DSG3: variants seen among roughly 807,000 people sequenced by gnomAD.
The protein encoded by DSG3 is desmoglein-3.
Under a neutral mutation model 85.9 loss-of-function variants are expected in DSG3, and 63 were observed. That is an observed-to-expected ratio of 0.73 (90% confidence interval 0.60 to 0.90). DSG3 has a LOEUF of 0.90. Ranked by LOEUF, DSG3 falls within the 40% of genes least tolerant of loss-of-function variation. The pLI, the probability that DSG3 is intolerant of heterozygous loss-of-function variation, is 0.00. For synonymous variants in DSG3, 447 were observed against 441.9 expected, an observed-to-expected ratio of 1.01 and a Z score of -0.14; for missense variants, 1,220 against 1,219.9, an observed-to-expected ratio of 1.00 and a Z score of 0.00.
In DSG3 at chr18:31,475,748, T is replaced by C. The variant is rs762858133; in HGVS notation, c.2488T>C (p.Ser830Pro). 6.2e-7 allele frequency: 1 copy of C among 1,614,220 alleles called. No individual in the cohort carries two copies. Among genetic ancestry groups the C allele is most frequent in the Non-Finnish European group, 8.5e-7 (1 of 1,180,034 alleles). ...AGATGCCACTGGTTCTCCTGTGGGCTCCGTGGGTTGTTGCAGTTTTATTGC... is the reference window on the plus strand; with the variant it reads ...AGATGCCACTGGTTCTCCTGTGGGCCCCGTGGGTTGTTGCAGTTTTATTGC... Reference protein sequence around the residue: ...GADATGSPVGSVGCCSFIADD... With the variant: ...GADATGSPVGPVGCCSFIADD... Residue 830 changes from serine to proline, a missense_variant, in exon 16 of 16, where the codon TCC becomes CCC. By Grantham distance (74) the Ser-to-Pro change is moderately conservative. Coordinates refer to ENST00000257189, the MANE Select transcript of DSG3 (RefSeq NM_001944.3).
In DSG3 at chr18:31,476,561, A is replaced by G. The variant is rs1224455899; in HGVS notation, c.*301A>G. On this transcript the variant is annotated 3_prime_UTR_variant, in exon 16 of 16. Transcript: ENST00000257189. ...TTAAGCTTCTATTTTTCCCCTGCCA[A>G]AGGAAGGTGTTTATCATTTTAAAAT... 1 of 269,954 alleles carries G rather than the reference A, an allele frequency of 3.7e-6. No individual in the cohort carries two copies. Among genetic ancestry groups the G allele is most frequent in the Non-Finnish European group, 6.9e-6 (1 of 144,164 alleles). 16.7% of individuals were successfully genotyped at this position (269,954 alleles called of 1,614,324 possible).
intron 3 of DSG3, among the ~76,000 whole-genome samples, chr18:31,457,498 T>C (rs986556140): frequency 2.0e-5 from 3 of 152,182 alleles, no homozygotes; most frequent in African/African-American, 7.2e-5. Flanking sequence ...AGTGATAGGA[T>C]GTATCAGGTT....
In DSG3 at chr18:31,475,900, G is replaced by A; in HGVS notation, c.2640G>A (p.Gly880=). Residue 880 remains glycine (G), a synonymous_variant, in exon 16 of 16, where the codon GGG becomes GGA. Transcript: ENST00000257189. Reference sequence around the variant, plus strand: ...CACCCTCTAAAGACAGCGGTTATGGGATTGAATCCTGTGGCCATCCCATAG... The same window carrying A: ...CACCCTCTAAAGACAGCGGTTATGGAATTGAATCCTGTGGCCATCCCATAG... ...VQPPSKDSGY[G]IESCGHPIEV... is the part of the protein sequence containing the mutation. 1.2e-6 allele frequency: 2 copies of A among 1,614,182 alleles called. No individual in the cohort carries two copies. Among genetic ancestry groups the A allele is most frequent in the Non-Finnish European group, 1.7e-6 (2 of 1,180,044 alleles).
Position 31,472,377 on chromosome 18 carries a change from G to A in DSG3, c.1991G>A (p.Gly664Glu), listed in dbSNP as rs1361767559. 6.2e-7 allele frequency: 1 copy of A among 1,614,074 alleles called. No individual in the cohort carries two copies. Among genetic ancestry groups the A allele is most frequent in the South Asian group, 1.1e-5 (1 of 91,068 alleles). ...GFIPVPDGSE[G>E]TIHQWGIEGA... ...ATCCCAGTTCCTGATGGCTCAGAAG[G>A]AACAATTCATCAGTGGGGAATTGAA... The change falls in exon 13 of 16, where the codon GGA becomes GAA. Residue 664 changes from glycine (G) to glutamate (E), a missense_variant. By Grantham distance (98) the Gly-to-Glu change is moderately conservative. Coordinates refer to ENST00000257189, the MANE Select transcript of DSG3 (RefSeq NM_001944.3).
chr18:31,458,386 T>C (rs2072762304), intron 3 of DSG3, 59 bp from the exon 4 acceptor site: 3 of 1,535,240 alleles, frequency 2.0e-6, no homozygotes, highest in South Asian at 1.2e-5. Flanking sequence ...GAAGTGGGGG[T>C]GGAGAGGGAA....
chr18:31,447,818 C>A lies in DSG3; in HGVS notation c.-60C>A. 2 of 1,445,636 alleles carry A rather than the reference C, an allele frequency of 1.4e-6. No individual in the cohort carries two copies. Among genetic ancestry groups the A allele is most frequent in the Admixed American group, 2.1e-5 (1 of 46,640 alleles). 89.6% of individuals were successfully genotyped at this position (1,445,636 alleles called of 1,614,324 possible). On this transcript the variant is annotated 5_prime_UTR_variant, in exon 1 of 16. Coordinates refer to ENST00000257189, the MANE Select transcript of DSG3 (RefSeq NM_001944.3). ...GCTTTTCTTAGACATCAACTGCAGACGGCTGGCAGGATAGAAGCAGCGGCT... is the reference window on the plus strand; with the variant it reads ...GCTTTTCTTAGACATCAACTGCAGAAGGCTGGCAGGATAGAAGCAGCGGCT...
chr18:31,474,454 A>G, intron 15 of DSG3, 50 bp downstream of exon 15: 2 of 1,538,754 alleles, frequency 1.3e-6, no homozygotes, highest in East Asian at 2.3e-5. Context: ...TACATTAGAG[A>G]ACTTTTTATT....
chr18:31,456,783 T>G (rs1401207814), intron 2 of DSG3, among the ~76,000 whole-genome samples: 1 of 152,192 alleles, frequency 6.6e-6, no homozygotes, highest in Non-Finnish European at 1.5e-5. Flanking sequence ...GACTAAATGC[T>G]AATATTAAAA....
In DSG3 at chr18:31,466,624, T is replaced by C; in HGVS notation, c.1506T>C (p.Val502=). The C allele has an allele frequency of 1.2e-5, 19 of 1,614,216 alleles. No individual in the cohort carries two copies. Among genetic ancestry groups the C allele is most frequent in the Non-Finnish European group, 1.6e-5 (19 of 1,180,030 alleles). ...CAGCTGTCCTCGAAAAAGATGCAGT[T>C]TGCAGTTCTTCACCTTCCGTGGTTG... ...CPTAVLEKDA[V]CSSSPSVVVS... is the part of the protein sequence containing the mutation. Residue 502 remains valine, a synonymous_variant, in exon 11 of 16, where the codon GTT becomes GTC. Transcript: ENST00000257189.
At chr18:31,465,522 A>T (rs993699317) in intron 10 of DSG3, 65 bp downstream of exon 10, 1 of 1,253,974 alleles carries the variant, frequency 8.0e-7, no homozygotes, top group Admixed American at 3.0e-5. Flanking sequence ...TTATGCATAG[A>T]TGATTATGAT....
chr18:31,477,718 G>A lies in DSG3; in HGVS notation c.*1458G>A, dbSNP rs2072897631. On this transcript the variant is annotated 3_prime_UTR_variant, in exon 16 of 16. Coordinates refer to ENST00000257189, the MANE Select transcript of DSG3 (RefSeq NM_001944.3). ...TCATGCATGCTACCATGATAGTAAT[G>A]CAGCTCTTCGAGTCATTTCTGGTCA... 6.6e-6 allele frequency: 1 copy of A among 152,124 alleles called. No individual in the cohort carries two copies. The highest frequency in any genetic ancestry group is 1.5e-5 in the Non-Finnish European group (1 of 68,038). 9.4% of individuals were successfully genotyped at this position (152,124 alleles called of 1,614,324 possible). A position where few individuals can be genotyped will look rare whatever the true frequency, so the allele number is the denominator to read the frequency against.
intron 12 of DSG3, 148 bp from the exon 13 acceptor site, chr18:31,472,136 T>C: frequency 3.9e-6 from 4 of 1,027,686 alleles, no homozygotes; most frequent in Non-Finnish European, 5.6e-6. Context: ...CAAGTTTCAT[T>C]TGTAGAAACT....
chr18:31,460,899 T>C lies in DSG3; in HGVS notation c.751T>C (p.Cys251Arg). The change falls in exon 7 of 16, where the codon TGT becomes CGT. Residue 251 changes from cysteine (C) to arginine (R), a missense_variant. Cys to Arg is a radical substitution (Grantham distance 180, BLOSUM62 -3). Transcript: ENST00000257189. ...AGATGGAGAAGGACTATCAACTCAATGTGAATGTAATATTAAAGTGAAAGA... is the reference window on the plus strand; with the variant it reads ...AGATGGAGAAGGACTATCAACTCAACGTGAATGTAATATTAAAGTGAAAGA... ...DKDGEGLSTQCECNIKVKDVN... is the reference protein window; with the variant it reads ...DKDGEGLSTQRECNIKVKDVN... 6.2e-7 allele frequency: 1 copy of C among 1,605,852 alleles called. No homozygotes were observed.
At chr18:31,474,945 T>C (rs925521392) in intron 15 of DSG3, among the ~76,000 whole-genome samples, 5 of 152,150 alleles carry the variant, frequency 3.3e-5, no homozygotes, top group African/African-American at 1.2e-4. Context: ...ATAAAGGATA[T>C]CCAAATACCT....
chr18:31,465,415 A>G lies in DSG3; in HGVS notation c.1369A>G (p.Ile457Val), dbSNP rs981853547. The G allele has an allele frequency of 1.3e-6, 2 of 1,542,174 alleles. No individual in the cohort carries two copies. The highest frequency in any genetic ancestry group is 1.7e-6 in the Non-Finnish European group (2 of 1,147,616). Residue 457 changes from isoleucine to valine, a missense_variant, in exon 10 of 16, where the codon ATA becomes GTA. Transcript: ENST00000257189. ...AAATATGAACCGAGATTCTACTTTC[A>G]TAGTTAACAAAACAATCACAGCTGA... ...VKNMNRDSTFIVNKTITAEVL... is the reference protein window; with the variant it reads ...VKNMNRDSTFVVNKTITAEVL...
rs182313668 is a variant in DSG3 at position 31,472,397 on chromosome 18, A to T, written c.2011A>T (p.Ile671Phe). Residue 671 changes from isoleucine (I) to phenylalanine (F), a missense_variant, in exon 13 of 16, where the codon ATT becomes TTT. Ile to Phe is a conservative substitution (Grantham distance 21, BLOSUM62 0). Coordinates refer to ENST00000257189, the MANE Select transcript of DSG3 (RefSeq NM_001944.3). ...AGAAGGAACAATTCATCAGTGGGGA[A>T]TTGAAGGAGCCCATCCTGAAGACAA... ...GSEGTIHQWG[I>F]EGAHPEDKEI... The T allele has an allele frequency of 7.4e-5, 120 of 1,614,018 alleles. No homozygotes were observed. The highest frequency in any genetic ancestry group is 1.6e-4 in the Middle Eastern group (1 of 6,062).
chr18:31,459,719 T>C, intron 5 of DSG3, 126 bp from the exon 6 acceptor site: 2 of 930,240 alleles, frequency 2.1e-6, no homozygotes, highest in Non-Finnish European at 3.1e-6. Flanking sequence ...ATACAATTTT[T>C]TGAACATACA....
intron 1 of DSG3, among the ~76,000 whole-genome samples, chr18:31,449,472 T>C (rs9953370): frequency 0.28 from 42,514 of 151,638 alleles, 6,821 homozygotes; most frequent in African/African-American, 0.45. Flanking sequence ...GGGGATTCTT[T>C]TTTTTTTCTA....
rs555160224 is a variant in DSG3, at chr18:31,455,053, T to C, written c.49-1387T>C. On this transcript the variant is annotated intron_variant, in intron 1 of 15. Coordinates refer to ENST00000257189, the MANE Select transcript of DSG3 (RefSeq NM_001944.3). ...AAAAAAAAAAAGAATTTAGTAGTAG[T>C]GAGGTACATGCTCTGGAGTTAGGCT... Among the ~76,000 whole-genome samples the C allele has an allele frequency of 9.3e-5, 14 of 151,210 alleles. No individual in the cohort carries two copies. In the South Asian group the frequency reaches 2.3e-3, roughly 25 times the overall value.
Sources: allele counts gnomAD v4.1 joint callset (sites outside exome capture counted in the v4.1 genomes callset), GRCh38; gene constraint gnomAD v4.1.1; transcripts MANE v1.5; gene names NCBI Gene and HGNC (gene_info 2026-07-23, HGNC 2026-07-21).